Variants in PPP2R2A observed in about 807,000 individuals in gnomAD.
PPP2R2A encodes protein phosphatase 2 regulatory subunit Balpha.
PPP2R2A carries 9 observed loss-of-function variants against 53.2 expected under a neutral mutation model. The ratio of observed to expected loss-of-function variants is 0.17; its 90% CI spans 0.10 to 0.30. The LOEUF (loss-of-function observed/expected upper bound fraction) is 0.30, where lower values mean the gene tolerates loss of function less well. Among genes scored for constraint, PPP2R2A ranks in the 10% least tolerant of loss-of-function variants. The probability of loss-of-function intolerance (pLI) is 1.00; values close to 1 mark genes in which losing one functional copy is unlikely to be tolerated. For synonymous variants in PPP2R2A, 169 were observed against 174.2 expected, an observed-to-expected ratio of 0.97 and a Z score of 0.23; for missense variants, 235 against 534.6, an observed-to-expected ratio of 0.44 and a Z score of 5.53.
chr8:26,348,766 GA>G, intron 3 of PPP2R2A, among the ~76,000 whole-genome samples: 1 of 152,166 alleles, frequency 6.6e-6, no homozygotes, highest in South Asian at 2.1e-4. Flanking sequence ...GTTTATTGCA[GA>G]AAATAGGAAA....
At chr8:26,312,966 C>T (rs1189870885) in intron 2 of PPP2R2A, among the ~76,000 whole-genome samples, 1 of 151,962 alleles carries the variant, frequency 6.6e-6, no homozygotes, top group African/African-American at 2.4e-5. Flanking sequence ...TTTCTCTCAC[C>T]TGTCCTCATC....
chr8:26,329,402 A>G (rs577151490), intron 2 of PPP2R2A, among the ~76,000 whole-genome samples: 48 of 152,268 alleles, frequency 3.2e-4, no homozygotes, highest in Admixed American at 9.8e-4. Context: ...CCTTATTCCT[A>G]ATAACCCTGA....
In PPP2R2A at chr8:26,362,985, C is replaced by G; in HGVS notation, c.802+137C>G. On this transcript the variant is annotated intron_variant, in intron 7 of 9. Transcript: ENST00000380737. This position sits in a 1 kb window ranked among gnomAD's most constrained non-coding sequence, Gnocchi z 4.4. ...CAGAGCCACTTGTACCCTTGGTAAT[C>G]TGCCTACCTCCTCATGAGGCATTCC... 1.3e-6 allele frequency: 1 copy of G among 741,110 alleles called. No homozygotes were observed. Among genetic ancestry groups the G allele is most frequent in the South Asian group, 1.9e-5 (1 of 53,482 alleles). 45.9% of individuals were successfully genotyped at this position (741,110 alleles called of 1,614,324 possible). A position where few individuals can be genotyped will look rare whatever the true frequency, so the allele number is the denominator to read the frequency against.
chr8:26,366,689 C>G (rs1017333428), intron 9 of PPP2R2A, among the ~76,000 whole-genome samples: 2 of 152,040 alleles, frequency 1.3e-5, no homozygotes, highest in Non-Finnish European at 2.9e-5. Context: ...AACGGTGAAG[C>G]TTCAGCTTGG....
chr8:26,291,842 C>A lies in PPP2R2A; in HGVS notation c.7+16C>A, dbSNP rs200379881. On this transcript the variant is annotated intron_variant, in intron 1 of 9. Coordinates refer to ENST00000380737, the MANE Select transcript of PPP2R2A (RefSeq NM_002717.4). ...AACATGGCAGGTAAAGGAGAAATCC[C>A]CCTCGCCCCCTGACAAGGCACCGCT... The A allele has an allele frequency of 6.2e-7, 1 of 1,608,634 alleles. No individual in the cohort carries two copies. The highest frequency in any genetic ancestry group is 1.1e-5 in the South Asian group (1 of 90,286).
rs931357615 is a variant in PPP2R2A at position 26,291,732 on chromosome 8, C to T, written c.-88C>T. ...GGTGCCATCCGCCGCCATCCGCCCT[C>T]TCTACCCCCCCATCCCCAGGTGAGG... On this transcript the variant is annotated 5_prime_UTR_variant, in exon 1 of 10. Transcript: ENST00000380737. The T allele has an allele frequency of 9.8e-6, 14 of 1,427,332 alleles. No homozygotes were observed. The African/African-American group carries it at 1.9e-4, about 19-fold the overall frequency. 88.4% of individuals were successfully genotyped at this position (1,427,332 alleles called of 1,614,324 possible). A position where few individuals can be genotyped will look rare whatever the true frequency, so the allele number is the denominator to read the frequency against.
rs916694311 is a variant in PPP2R2A, at chr8:26,371,675, C to G, written c.*1262C>G. On this transcript the variant is annotated 3_prime_UTR_variant, in exon 10 of 10. Coordinates refer to ENST00000380737, the MANE Select transcript of PPP2R2A (RefSeq NM_002717.4). ...AATATACTTTACCATAGATATTTTT[C>G]TTCTATTTTTGGTTTTCCAAAGCTA... 9 of 151,988 alleles carry G rather than the reference C, an allele frequency of 5.9e-5. No individual in the cohort carries two copies. Among genetic ancestry groups the G allele is most frequent in the Non-Finnish European group, 1.3e-4 (9 of 67,976 alleles). 9.4% of individuals were successfully genotyped at this position (151,988 alleles called of 1,614,324 possible).
Position 26,314,307 on chromosome 8 carries a change from C to G in PPP2R2A, c.82+20567C>G, listed in dbSNP as rs141152534. On this transcript the variant is annotated intron_variant, in intron 2 of 9. Transcript: ENST00000380737. ...TTTACTTTTGCCTTAAGCTCTATCC[C>G]TCCAACCCGCGTGCTTCAATCTGGG... is the stretch of plus-strand genomic sequence containing the variant. Among the ~76,000 whole-genome samples the G allele has an allele frequency of 2.7e-3, 413 of 152,294 alleles. 2 individuals carry two copies. Among genetic ancestry groups the G allele is most frequent in the African/African-American group, 9.5e-3 (396 of 41,554 alleles).
intron 4 of PPP2R2A, among the ~76,000 whole-genome samples, chr8:26,355,669 C>T (rs1049417885): frequency 1.3e-5 from 2 of 152,050 alleles, no homozygotes; most frequent in South Asian, 2.1e-4. Flanking sequence ...TTGAGACCAT[C>T]CTGGCTAACA....
intron 4 of PPP2R2A, among the ~76,000 whole-genome samples, chr8:26,359,499 A>G (rs767069338): frequency 1.3e-5 from 2 of 152,218 alleles, no homozygotes; most frequent in Non-Finnish European, 2.9e-5. Context: ...TTGTAAAACA[A>G]AAGTTTGTTT....
At chr8:26,351,953 GTCTT>G (rs1180088361) in intron 3 of PPP2R2A, among the ~76,000 whole-genome samples, 1 of 152,232 alleles carries the variant, frequency 6.6e-6, no homozygotes, top group Admixed American at 6.5e-5. Flanking sequence ...TGCTTTGAAA[GTCTT>G]TATTGAATGC....
chr8:26,338,747 A>T lies in PPP2R2A; in HGVS notation c.83-143A>T. ...ATATTTATGAAAGAACTTTAGATTC[A>T]TGTTATTTCTGATGGGTGGTTGATG... On this transcript the variant is annotated intron_variant, in intron 2 of 9. Coordinates refer to ENST00000380737, the MANE Select transcript of PPP2R2A (RefSeq NM_002717.4). This position sits in a 1 kb window ranked among gnomAD's most constrained non-coding sequence, Gnocchi z 4.5. 1 of 461,112 alleles carries T rather than the reference A, an allele frequency of 2.2e-6. No homozygotes were observed. Among genetic ancestry groups the T allele is most frequent in the Non-Finnish European group, 3.9e-6 (1 of 257,722 alleles). 28.6% of individuals were successfully genotyped at this position (461,112 alleles called of 1,614,324 possible). A position where few individuals can be genotyped will look rare whatever the true frequency, so the allele number is the denominator to read the frequency against.
chr8:26,294,392 T>A (rs1190551264), intron 2 of PPP2R2A, among the ~76,000 whole-genome samples: 1 of 152,230 alleles, frequency 6.6e-6, no homozygotes, highest in African/African-American at 2.4e-5. Flanking sequence ...TTACGTCTAA[T>A]TTTCTCCCCA....
intron 3 of PPP2R2A, among the ~76,000 whole-genome samples, chr8:26,348,862 G>T (rs1253426753): frequency 6.6e-6 from 1 of 152,196 alleles, no homozygotes; most frequent in East Asian, 1.9e-4. Flanking sequence ...GTGTATGTAT[G>T]TGTGGTTTTC....
intron 2 of PPP2R2A, among the ~76,000 whole-genome samples, chr8:26,326,026 G>T (rs982329038): frequency 6.6e-6 from 1 of 152,012 alleles, no homozygotes; most frequent in Non-Finnish European, 1.5e-5. Flanking sequence ...TTGTAGAGAC[G>T]GGTTTTCGCC....
At chr8:26,346,144 A>ATTAT (rs1278507854) in intron 3 of PPP2R2A, among the ~76,000 whole-genome samples, 1 of 144,074 alleles carries the variant, frequency 6.9e-6, no homozygotes, top group Non-Finnish European at 1.5e-5. Context: ...TATTATTATT[A>ATTAT]TTATTTATTT....
chr8:26,317,623 G>C (rs1316904608), intron 2 of PPP2R2A, among the ~76,000 whole-genome samples: 1 of 152,156 alleles, frequency 6.6e-6, no homozygotes, highest in African/African-American at 2.4e-5. Flanking sequence ...AATGAAATAA[G>C]CTAAAAATTA....
intron 2 of PPP2R2A, among the ~76,000 whole-genome samples, chr8:26,326,856 A>G (rs1481412505): frequency 6.6e-6 from 1 of 152,220 alleles, no homozygotes; most frequent in Non-Finnish European, 1.5e-5. Context: ...TTTCTAACAT[A>G]TGTAACAGTT....
chr8:26,312,754 A>G (rs575577076), intron 2 of PPP2R2A, among the ~76,000 whole-genome samples: 7 of 152,182 alleles, frequency 4.6e-5, no homozygotes, highest in Admixed American at 2.6e-4. Flanking sequence ...TTTGCCCTTA[A>G]ATTTTTATCT....
Sources: gnomAD v4.1 joint callset for allele counts (sites outside exome capture counted in the v4.1 genomes callset) on GRCh38, gnomAD v4.1.1 for gene constraint, Gnocchi (gnomAD v3.1) non-coding constraint, MANE v1.5 for transcripts, NCBI Gene and HGNC (gene_info 2026-07-23, HGNC 2026-07-21) for gene names.